RIPK4: variants seen among roughly 807,000 people sequenced by gnomAD.
The protein encoded by RIPK4 is receptor-interacting serine/threonine-protein kinase 4.
In RIPK4, 17 loss-of-function variants were observed where a neutral mutation model predicts 42.9. That is an observed-to-expected ratio of 0.40 (90% confidence interval 0.27 to 0.59). RIPK4 has a LOEUF of 0.59. RIPK4 is among the 20% of genes least tolerant of loss of function. RIPK4 has a pLI of 0.47. For synonymous variants in RIPK4, 498 were observed against 499.1 expected, an observed-to-expected ratio of 1.00 and a Z score of 0.03; for missense variants, 897 against 1,104.4, an observed-to-expected ratio of 0.81 and a Z score of 2.66.
chr21:41,750,215 C>G (rs2061184573), intron 3 of RIPK4, among the ~76,000 whole-genome samples: 1 of 152,226 alleles, frequency 6.6e-6, no homozygotes, highest in Non-Finnish European at 1.5e-5. Context: ...AAAGGCAGAG[C>G]TCACATGCGG....
At chr21:41,744,210 A>C in intron 6 of RIPK4, 70 bp from the exon 7 acceptor site, 3 of 1,455,784 alleles carry the variant, frequency 2.1e-6, no homozygotes, top group East Asian at 2.3e-5. Flanking sequence ...CATGACACAA[A>C]CACAGAAGAG....
chr21:41,766,414 A>T (rs1015064582), intron 1 of RIPK4, among the ~76,000 whole-genome samples: 1 of 152,220 alleles, frequency 6.6e-6, no homozygotes, highest in East Asian at 1.9e-4. Flanking sequence ...AATTTTTCTA[A>T]GCCCTGCGCA....
chr21:41,747,201 C>A (rs937350788), intron 4 of RIPK4, among the ~76,000 whole-genome samples: 3 of 152,236 alleles, frequency 2.0e-5, no homozygotes, highest in Non-Finnish European at 4.4e-5. Context: ...ACCCAACTCT[C>A]TCTACAATGG....
rs530603108 is a variant in RIPK4 at position 41,763,440 on chromosome 21, A to C, written c.182+3420T>G. On this transcript the variant is annotated intron_variant, in intron 1 of 7. Coordinates refer to ENST00000332512, the MANE Select transcript of RIPK4 (RefSeq NM_020639.3). ...TTTCCCCTGCAAGCACGCATCCTGG[A>C]AAGGGGGAAAGAACTGCCCCGGGAC... Among the ~76,000 whole-genome samples the C allele has an allele frequency of 9.2e-5, 14 of 152,248 alleles. No individual in the cohort carries two copies. The South Asian group carries it at 2.9e-3, about 32-fold the overall frequency.
chr21:41,749,044 G>A lies in RIPK4; in HGVS notation c.673+110C>T. On this transcript the variant is annotated intron_variant, in intron 4 of 7. Coordinates refer to ENST00000332512, the MANE Select transcript of RIPK4 (RefSeq NM_020639.3). ...AATTACACCACAGAGCAGCACCTAT[G>A]GCAGCGTGGATCACAGGCTCTGTTT... is the stretch of plus-strand genomic sequence containing the variant. 14 of 1,107,374 alleles carry A rather than the reference G, an allele frequency of 1.3e-5. No homozygotes were observed. The South Asian group carries it at 1.7e-4, about 13-fold the overall frequency. 68.6% of individuals were successfully genotyped at this position (1,107,374 alleles called of 1,614,324 possible).
At chr21:41,748,941 A>C (rs1356916946) in intron 4 of RIPK4, among the ~76,000 whole-genome samples, 1 of 152,170 alleles carries the variant, frequency 6.6e-6, no homozygotes, top group African/African-American at 2.4e-5. Flanking sequence ...ATATTTTACT[A>C]CCACAAAAAA....
Position 41,749,016 on chromosome 21 carries a change from G to A in RIPK4, c.673+138C>T, listed in dbSNP as rs1186171323. 7.3e-5 allele frequency: 62 copies of A among 852,996 alleles called. 2 individuals are homozygous for A. Among genetic ancestry groups the A allele is most frequent in the South Asian group, 9.1e-5 (6 of 66,048 alleles). The allele number at this position is 852,996 out of a possible 1,614,324, so 52.8% of individuals were successfully genotyped here. ...TTCAGATCTGTGTCTTTTCCTGCAT[G>A]CAAATTACACCACAGAGCAGCACCT... On this transcript the variant is annotated intron_variant, in intron 4 of 7. Coordinates refer to ENST00000332512, the MANE Select transcript of RIPK4 (RefSeq NM_020639.3).
intron 1 of RIPK4, among the ~76,000 whole-genome samples, chr21:41,766,204 C>T (rs1241378991): frequency 6.6e-6 from 1 of 152,230 alleles, no homozygotes; most frequent in Non-Finnish European, 1.5e-5. Flanking sequence ...CCCCGGGCCC[C>T]GTGCCGGACC....
Position 41,746,284 on chromosome 21 carries a change from C to T in RIPK4, c.832+329G>A, listed in dbSNP as rs78263832. 911 of 586,628 alleles carry T rather than the reference C, an allele frequency of 1.6e-3. 8 individuals carry two copies. Among genetic ancestry groups the T allele is most frequent in the African/African-American group, 0.015 (802 of 54,096 alleles). 36.3% of individuals were successfully genotyped at this position (586,628 alleles called of 1,614,324 possible). ...CTCAAGAGAAGGGCGACGCCGCCGG[C>T]CACCGGCCAGGTAAGTCCCCGGGAA... On this transcript the variant is annotated intron_variant, in intron 5 of 7. Coordinates refer to ENST00000332512, the MANE Select transcript of RIPK4 (RefSeq NM_020639.3).
chr21:41,758,960 G>A (rs1342877702), intron 1 of RIPK4, among the ~76,000 whole-genome samples: 3 of 152,190 alleles, frequency 2.0e-5, no homozygotes, highest in Admixed American at 1.3e-4. Flanking sequence ...ACGGACGCAC[G>A]CTGGCCATGC....
At chr21:41,754,392 C>T (rs1321253646) in intron 2 of RIPK4, among the ~76,000 whole-genome samples, 1 of 152,216 alleles carries the variant, frequency 6.6e-6, no homozygotes, top group African/African-American at 2.4e-5. Flanking sequence ...AAGAAGGACG[C>T]CACACAAAAG....
intron 5 of RIPK4, chr21:41,746,129 G>A: frequency 1.5e-6 from 1 of 687,364 alleles, no homozygotes; most frequent in Non-Finnish European, 2.7e-6. Context: ...AGGGAGCAGA[G>A]CTGCCAGCAC....
chr21:41,764,099 A>G (rs2061229196), intron 1 of RIPK4, among the ~76,000 whole-genome samples: 1 of 152,130 alleles, frequency 6.6e-6, no homozygotes, highest in Non-Finnish European at 1.5e-5. Context: ...AACTCCCAGG[A>G]GGGCCCCCTG....
intron 4 of RIPK4, 114 bp from the exon 5 acceptor site, chr21:41,746,885 C>A: frequency 8.2e-7 from 1 of 1,221,730 alleles, no homozygotes; most frequent in Non-Finnish European, 1.1e-6. Flanking sequence ...CCCCACACCA[C>A]CCCAGGGAGA....
In RIPK4 at chr21:41,744,042, C is replaced by G. The variant is rs781755940; in HGVS notation, c.1035G>C (p.Gln345His). The G allele has an allele frequency of 3.7e-6, 6 of 1,613,030 alleles. No homozygotes were observed. Among genetic ancestry groups the G allele is most frequent in the Non-Finnish European group, 4.2e-6 (5 of 1,179,964 alleles). Residue 345 changes from glutamine (Q) to histidine (H), a missense_variant, in exon 7 of 8, where the codon CAG (glutamine) becomes CAC (histidine). Transcript: ENST00000332512. ...LLSQLDSGVSQAVEGPEELSR... is the reference protein window; with the variant it reads ...LLSQLDSGVSHAVEGPEELSR... Reference sequence around the variant, plus strand: ...TGAGCTCCTCGGGGCCCTCGACAGCCTGGGAAACTCCAGAGTCCAGCTGTG... The same window carrying G: ...TGAGCTCCTCGGGGCCCTCGACAGCGTGGGAAACTCCAGAGTCCAGCTGTG...
At chr21:41,743,861 C>G in intron 7 of RIPK4, 21 bp downstream of exon 7, 1 of 1,568,556 alleles carries the variant, frequency 6.4e-7, no homozygotes, top group Non-Finnish European at 8.7e-7. Flanking sequence ...TCTCTCGGGA[C>G]ACAGAGGCGT....
At chr21:41,757,632 A>G (rs1277812498) in intron 1 of RIPK4, among the ~76,000 whole-genome samples, 2 of 152,008 alleles carry the variant, frequency 1.3e-5, no homozygotes, top group African/African-American at 4.8e-5. Context: ...CCAACCTCAC[A>G]CTCAAACTAA....
chr21:41,759,080 G>A (rs1229298668), intron 1 of RIPK4, among the ~76,000 whole-genome samples: 1 of 152,148 alleles, frequency 6.6e-6, no homozygotes, highest in Non-Finnish European at 1.5e-5. Flanking sequence ...CCAGGTTGGG[G>A]CTGGAAAATC....
rs1030997693 is a variant in RIPK4 at position 41,755,441 on chromosome 21, G to A, written c.474+1084C>T. Among the ~76,000 whole-genome samples, 3 of 152,162 alleles carry A rather than the reference G, an allele frequency of 2.0e-5. No homozygotes were observed. The highest frequency in any genetic ancestry group is 6.5e-5 in the Admixed American group (1 of 15,284). ...CAGAGTCTGGGCACAGGGAGCGGCC[G>A]TGCGCATGCCATACGAGCCACCGCT... On this transcript the variant is annotated intron_variant, in intron 2 of 7. Coordinates refer to ENST00000332512, the MANE Select transcript of RIPK4 (RefSeq NM_020639.3). The surrounding 1 kb of genome is among the most constrained non-coding windows in gnomAD (Gnocchi z 4.2).
Sources: gnomAD v4.1 joint callset for allele counts (sites outside exome capture counted in the v4.1 genomes callset) on GRCh38, gnomAD v4.1.1 for gene constraint, Gnocchi (gnomAD v3.1) non-coding constraint, MANE v1.5 for transcripts, NCBI Gene and HGNC (gene_info 2026-07-23, HGNC 2026-07-21) for gene names.